PHF2: variants seen among roughly 807,000 people sequenced by gnomAD.
PHF2 encodes lysine-specific demethylase PHF2.
A neutral mutation model predicts 120.5 loss-of-function variants in PHF2; 27 were observed. The observed-to-expected ratio is 0.22, with a 90% CI of 0.17 to 0.31. The LOEUF (loss-of-function observed/expected upper bound fraction) is 0.31, where lower values mean the gene tolerates loss of function less well. PHF2 is among the 10% of genes least tolerant of loss of function. PHF2 has a pLI of 1.00. For synonymous variants in PHF2, 568 were observed against 592.5 expected, an observed-to-expected ratio of 0.96 and a Z score of 0.60; for missense variants, 1,024 against 1,434.8, an observed-to-expected ratio of 0.71 and a Z score of 4.63.
intron 1 of PHF2, among the ~76,000 whole-genome samples, chr9:93,602,161 G>C (rs1027947371): frequency 2.0e-5 from 3 of 150,756 alleles, no homozygotes; most frequent in Non-Finnish European, 4.4e-5. Flanking sequence ...TGGAACTATC[G>C]AACAAAAGTA....
rs763499529 is a variant in PHF2 at position 93,662,937 on chromosome 9, A to G, written c.1729A>G (p.Lys577Glu). The G allele has an allele frequency of 2.5e-6, 4 of 1,614,106 alleles. No homozygotes were observed. Among genetic ancestry groups the G allele is most frequent in the Admixed American group, 1.7e-5 (1 of 60,026 alleles). ...AAAGAGTGTCCTGAGTGTGCCCAAC[A>G]AAGATGTGGTTCACATGCAGAATGA... is the stretch of plus-strand genomic sequence containing the variant. Reference protein sequence around the residue: ...ATKSVLSVPNKDVVHMQNDVE... With the variant: ...ATKSVLSVPNEDVVHMQNDVE... Residue 577 changes from lysine to glutamate, a missense_variant, in exon 13 of 22, where the codon AAA becomes GAA. By Grantham distance (56) the Lys-to-Glu change is moderately conservative. This residue lies in a region of PHF2 where 677 missense variants were observed against 857.4 expected (regional missense o/e 0.79). Coordinates refer to ENST00000359246, the MANE Select transcript of PHF2 (RefSeq NM_005392.4).
rs1367071352 is a variant in PHF2, at chr9:93,656,197, C to T, written c.1040+176C>T. ...GATGTGGAGGGAAGGAGGAGGTGGG[C>T]CCTGGGTTCATGCAGGCCGGCTCCT... is the stretch of plus-strand genomic sequence containing the variant. On this transcript the variant is annotated intron_variant, in intron 8 of 21. Coordinates refer to ENST00000359246, the MANE Select transcript of PHF2 (RefSeq NM_005392.4). The surrounding 1 kb of genome is among the most constrained non-coding windows in gnomAD (Gnocchi z 4.1). Among the ~76,000 whole-genome samples the T allele has an allele frequency of 2.0e-5, 3 of 152,096 alleles. No individual in the cohort carries two copies. Among genetic ancestry groups the T allele is most frequent in the Non-Finnish European group, 4.4e-5 (3 of 67,998 alleles).
At chr9:93,592,912 C>A (rs1046699553) in intron 1 of PHF2, among the ~76,000 whole-genome samples, 1 of 152,058 alleles carries the variant, frequency 6.6e-6, no homozygotes, top group Non-Finnish European at 1.5e-5. Flanking sequence ...CAGACTCCCT[C>A]TCCAACTGGA....
At chr9:93,624,898 T>A (rs1328150775) in intron 1 of PHF2, among the ~76,000 whole-genome samples, 1 of 152,178 alleles carries the variant, frequency 6.6e-6, no homozygotes, top group Non-Finnish European at 1.5e-5. Flanking sequence ...GCAATGTTGG[T>A]GATGGTGATG....
At chr9:93,594,339 C>T (rs1160510558) in intron 1 of PHF2, among the ~76,000 whole-genome samples, 1 of 152,226 alleles carries the variant, frequency 6.6e-6, no homozygotes, top group Non-Finnish European at 1.5e-5. Flanking sequence ...AGGGCCCCGC[C>T]CAGTCAGCCC....
intron 7 of PHF2, among the ~76,000 whole-genome samples, chr9:93,654,831 G>T (rs1355220474): frequency 6.6e-6 from 1 of 152,176 alleles, no homozygotes; most frequent in African/African-American, 2.4e-5. Flanking sequence ...GTCAGCATGG[G>T]CACTCCTCAC....
At chr9:93,638,470 A>C (rs1323089707) in intron 3 of PHF2, among the ~76,000 whole-genome samples, 1 of 152,158 alleles carries the variant, frequency 6.6e-6, no homozygotes, top group African/African-American at 2.4e-5. Flanking sequence ...TGAGGTAAGG[A>C]TTGAACTTCA....
chr9:93,633,077 G>C (rs1826026970), intron 2 of PHF2, among the ~76,000 whole-genome samples: 1 of 152,196 alleles, frequency 6.6e-6, no homozygotes, highest in Admixed American at 6.5e-5. Context: ...CCTTGAACCT[G>C]CCTCCACCTG....
intron 3 of PHF2, among the ~76,000 whole-genome samples, chr9:93,645,069 G>A (rs12348968): frequency 1.3e-5 from 2 of 152,182 alleles, no homozygotes; most frequent in East Asian, 3.9e-4. Flanking sequence ...GGACAGGCTA[G>A]GCAGGGCGAG....
intron 4 of PHF2, among the ~76,000 whole-genome samples, chr9:93,646,210 C>T (rs1488566894): frequency 6.6e-6 from 1 of 152,224 alleles, no homozygotes; most frequent in African/African-American, 2.4e-5. Context: ...CCAGAATCTC[C>T]TCGTCTGGAT....
rs922575209 is a variant in PHF2, at chr9:93,677,192, T to C, written c.3202+229T>C. Among the ~76,000 whole-genome samples, 1 of 150,328 alleles carries C rather than the reference T, an allele frequency of 6.7e-6. No individual in the cohort carries two copies. The highest frequency in any genetic ancestry group is 1.5e-5 in the Non-Finnish European group (1 of 67,668). On this transcript the variant is annotated intron_variant, in intron 21 of 21. Transcript: ENST00000359246. The surrounding 1 kb of genome is among the most constrained non-coding windows in gnomAD (Gnocchi z 4.4). ...CTGCTCAGTGGGCGTGCTCAGCCCCTGATCTGCCTGCACCCCTGCACCCCA... is the reference window on the plus strand; with the variant it reads ...CTGCTCAGTGGGCGTGCTCAGCCCCCGATCTGCCTGCACCCCTGCACCCCA...
At chr9:93,666,264 G>A (rs531999098) in intron 16 of PHF2, among the ~76,000 whole-genome samples, 7 of 152,312 alleles carry the variant, frequency 4.6e-5, no homozygotes, top group South Asian at 2.1e-4. Flanking sequence ...CTGCCTGGGC[G>A]TGCGAGGGGT....
chr9:93,671,297 T>C (rs1826784674), intron 17 of PHF2: 1 of 736,876 alleles, frequency 1.4e-6, no homozygotes, highest in African/African-American at 2.0e-5. Context: ...GATGCAGATG[T>C]GGGTGTGGGA....
At chr9:93,589,743 A>ATG (rs1863134354) in intron 1 of PHF2, among the ~76,000 whole-genome samples, 1 of 152,232 alleles carries the variant, frequency 6.6e-6, no homozygotes, top group Non-Finnish European at 1.5e-5. Context: ...TTCGAAAGAA[A>ATG]TGCAGTGGAA....
At chr9:93,655,860 C>A in intron 7 of PHF2, 74 bp from the exon 8 acceptor site, 1 of 1,132,710 alleles carries the variant, frequency 8.8e-7, no homozygotes, top group Non-Finnish European at 1.3e-6. Context: ...CTCCGCCGCT[C>A]CCTGATCTAG....
At chr9:93,673,003 T>A (rs879373078) in intron 17 of PHF2, among the ~76,000 whole-genome samples, 5 of 151,240 alleles carry the variant, frequency 3.3e-5, no homozygotes, top group African/African-American at 7.3e-5. Context: ...TAGGTGCAGA[T>A]GCAGGTGTGG....
intron 1 of PHF2, among the ~76,000 whole-genome samples, chr9:93,616,766 C>T (rs1447660746): frequency 6.6e-6 from 1 of 151,992 alleles, no homozygotes. Context: ...AGTGATTTCT[C>T]CTGCTGCAGC....
At chr9:93,600,465 A>C (rs1183048290) in intron 1 of PHF2, among the ~76,000 whole-genome samples, 3 of 152,198 alleles carry the variant, frequency 2.0e-5, no homozygotes, top group Admixed American at 2.0e-4. Flanking sequence ...AAGGCCCAAC[A>C]TGGGACGGTA....
chr9:93,674,970 G>A lies in PHF2; in HGVS notation c.2670G>A (p.Lys890=), dbSNP rs936367615. 5 of 1,613,790 alleles carry A rather than the reference G, an allele frequency of 3.1e-6. No homozygotes were observed. In the African/African-American group the frequency reaches 4.0e-5, roughly 13 times the overall value. Residue 890 remains lysine (K), a synonymous_variant, in exon 19 of 22, where the codon AAG becomes AAA. Transcript: ENST00000359246. ...CAGATGAAGACAACCCCATCTTTAA[G>A]TCCCGGTCGAAGAAAAGGAAAGGCT... The part of the protein sequence containing the change: ...LESDEDNPIF[K]SRSKKRKGSD...
Sources: allele counts gnomAD v4.1 joint callset (sites outside exome capture counted in the v4.1 genomes callset), GRCh38; gene constraint gnomAD v4.1.1; regional missense constraint gnomAD v4.1.1; non-coding constraint Gnocchi (gnomAD v3.1); transcripts MANE v1.5; gene names NCBI Gene and HGNC (gene_info 2026-07-23, HGNC 2026-07-21).